The following CTNNA2 variants were observed in gnomAD, a reference collection of about 807,000 sequenced individuals.
The protein encoded by CTNNA2 is catenin alpha-2.
Under a neutral mutation model 101.0 loss-of-function variants are expected in CTNNA2, and 42 were observed. That is an observed-to-expected ratio of 0.42 (90% CI 0.32 to 0.54). The LOEUF is 0.54. CTNNA2 is among the 20% of genes least tolerant of loss of function. The pLI is 0.14. For missense variants in CTNNA2, 871 were observed against 1,223.1 expected, an observed-to-expected ratio of 0.71 and a Z score of 4.29; for synonymous variants, 450 against 456.4, an observed-to-expected ratio of 0.99 and a Z score of 0.18.
At chr2:80,634,401 TAGTA>T (rs1462281539) in intron 18 of CTNNA2, among the ~76,000 whole-genome samples, 5 of 151,980 alleles carry the variant, frequency 3.3e-5, no homozygotes, top group African/African-American at 1.2e-4. Flanking sequence ...GCAGAAGAAA[TAGTA>T]AGCGCTAAGG....
rs368594469 is a variant in CTNNA2, at chr2:80,447,088, G to A, written c.1290+27487G>A. Among the ~76,000 whole-genome samples the A allele has an allele frequency of 2.6e-5, 4 of 152,218 alleles. No individual in the cohort carries two copies. In the East Asian group the frequency reaches 7.7e-4, roughly 29 times the overall value. ...ATTGCCAAAAATAGGTAGAACTTAA[G>A]TGTTACTTCAGTTAAATGGTGATCT... On this transcript the variant is annotated intron_variant, in intron 9 of 18. Coordinates refer to ENST00000402739, the MANE Select transcript of CTNNA2 (RefSeq NM_001282597.3).
chr2:79,800,038 TC>T (rs2105292698), intron 3 of CTNNA2, among the ~76,000 whole-genome samples: 1 of 152,284 alleles, frequency 6.6e-6, no homozygotes, highest in African/African-American at 2.4e-5. Context: ...AAGATTTTTT[TC>T]CTAAGGAACT....
At chr2:79,502,824 C>T (rs959669710) in intron 4 of CTNNA2, among the ~76,000 whole-genome samples, 4 of 152,060 alleles carry the variant, frequency 2.6e-5, no homozygotes, top group African/African-American at 9.7e-5. Flanking sequence ...GCTTAACTAC[C>T]ACAGAAAATG....
intron 2 of CTNNA2, among the ~76,000 whole-genome samples, chr2:79,696,632 C>G (rs1049560498): frequency 2.0e-5 from 3 of 151,902 alleles, no homozygotes; most frequent in Non-Finnish European, 4.4e-5. Context: ...TCTCACATGC[C>G]CATCTCCTTC....
At chr2:79,661,571 A>G (rs1243351940) in intron 2 of CTNNA2, among the ~76,000 whole-genome samples, 1 of 152,174 alleles carries the variant, frequency 6.6e-6, no homozygotes, top group Non-Finnish European at 1.5e-5. Flanking sequence ...TCCTCTTACA[A>G]GTTATAGGTT....
At chr2:79,837,403 T>G (rs1424990339) in intron 3 of CTNNA2, among the ~76,000 whole-genome samples, 2 of 152,172 alleles carry the variant, frequency 1.3e-5, no homozygotes, top group African/African-American at 4.8e-5. Context: ...GAGTCTGCCT[T>G]TCCCAGTCCT....
chr2:80,031,663 A>G (rs887528357), intron 7 of CTNNA2, among the ~76,000 whole-genome samples: 4 of 152,336 alleles, frequency 2.6e-5, no homozygotes, highest in Admixed American at 2.0e-4. Context: ...TAAGGAAAGA[A>G]GGGAAATTTT....
At chr2:80,083,588 A>G (rs1015809774) in intron 7 of CTNNA2, among the ~76,000 whole-genome samples, 2 of 152,172 alleles carry the variant, frequency 1.3e-5, no homozygotes, top group Non-Finnish European at 2.9e-5. Flanking sequence ...AGAAGGAAGC[A>G]TTCCTGTATT....
At chr2:80,028,448 A>G (rs942706984) in intron 7 of CTNNA2, 3 of 152,098 alleles carry the variant, frequency 2.0e-5, no homozygotes, top group Non-Finnish European at 4.4e-5. Flanking sequence ...AGAGCACTGA[A>G]TTTTTTCTAA....
At chr2:80,578,714 G>T (rs1462153760) in intron 13 of CTNNA2, among the ~76,000 whole-genome samples, 1 of 152,086 alleles carries the variant, frequency 6.6e-6, no homozygotes, top group African/African-American at 2.4e-5. Flanking sequence ...TCAACTTGTT[G>T]CCCGCCTCCA....
At chr2:79,708,737 A>G (rs1431885474) in intron 2 of CTNNA2, among the ~76,000 whole-genome samples, 5 of 152,194 alleles carry the variant, frequency 3.3e-5, no homozygotes, top group East Asian at 1.9e-4. Context: ...AAGAGTTACC[A>G]TATACCTGTC....
At chr2:80,355,930 G>T (rs1012132957) in intron 7 of CTNNA2, among the ~76,000 whole-genome samples, 4 of 148,098 alleles carry the variant, frequency 2.7e-5, no homozygotes, top group African/African-American at 1.0e-4. Flanking sequence ...CAGTCACATT[G>T]TTCTTTTTTT....
chr2:80,589,189 G>A (rs1696227964), intron 14 of CTNNA2, 115 bp from the exon 15 acceptor site: 10 of 1,015,304 alleles, frequency 9.8e-6, no homozygotes, highest in Non-Finnish European at 1.3e-5. Context: ...GGAATGGCAG[G>A]GTAGCTCATA....
At position 79,478,304 on chromosome 2, in the gene CTNNA2, T is replaced by C. The variant is rs1420904358; in HGVS notation, c.-134-26750T>C. ...GGGCCATGTGATTAATTTTTATTAG[T>C]GGAATGCAAATGGAAGTGATGAATA... On this transcript the variant is annotated intron_variant, in intron 4 of 21. Transcript: ENST00000466387. Among the ~76,000 whole-genome samples the C allele has an allele frequency of 2.6e-5, 4 of 152,112 alleles. No individual in the cohort carries two copies. In the East Asian group the frequency reaches 7.7e-4, roughly 29 times the overall value.
chr2:80,620,123 C>T (rs1380904652), intron 18 of CTNNA2, among the ~76,000 whole-genome samples: 1 of 151,726 alleles, frequency 6.6e-6, no homozygotes, highest in Non-Finnish European at 1.5e-5. Context: ...GATATCAAAG[C>T]ACTAGGGTGG....
chr2:80,244,344 G>A (rs1671166102), intron 7 of CTNNA2, among the ~76,000 whole-genome samples: 1 of 152,212 alleles, frequency 6.6e-6, no homozygotes, highest in Admixed American at 6.5e-5. Context: ...AAAGAGAAAA[G>A]TGGTTCTGAC....
intron 2 of CTNNA2, among the ~76,000 whole-genome samples, chr2:79,282,903 A>G (rs1174177850): frequency 2.1e-5 from 2 of 94,890 alleles, no homozygotes; most frequent in African/African-American, 5.9e-5. Context: ...ATTTCTCCAC[A>G]TCCTCTCCAG....
intron 7 of CTNNA2, among the ~76,000 whole-genome samples, chr2:80,212,371 T>A (rs984922189): frequency 1.3e-5 from 2 of 152,184 alleles, no homozygotes; most frequent in African/African-American, 4.8e-5. Flanking sequence ...AAACAGTTCT[T>A]ATTATTTTGA....
intron 7 of CTNNA2, chr2:80,163,174 C>T: frequency 7.1e-7 from 1 of 1,410,820 alleles, no homozygotes; most frequent in Admixed American, 1.7e-5. Flanking sequence ...CGAAAAGGAG[C>T]TCCTCGGTCA....
Sources: gnomAD v4.1 joint callset for allele counts (sites outside exome capture counted in the v4.1 genomes callset) on GRCh38, gnomAD v4.1.1 for gene constraint, MANE v1.5 for transcripts, NCBI Gene and HGNC (gene_info 2026-07-23, HGNC 2026-07-21) for gene names.